Variants in RPTOR observed in about 807,000 individuals in gnomAD.
The protein encoded by RPTOR is regulatory associated protein of MTOR complex 1.
A neutral mutation model predicts 169.9 loss-of-function variants in RPTOR; 21 were observed. The ratio of observed to expected loss-of-function variants is 0.12; its 90% CI spans 0.09 to 0.18. The LOEUF is 0.18. Among genes scored for constraint, RPTOR ranks in the 10% least tolerant of loss-of-function variants. RPTOR has a pLI of 1.00. For missense variants in RPTOR, 1,133 were observed against 1,855.9 expected, an observed-to-expected ratio of 0.61 and a Z score of 7.16; for synonymous variants, 732 against 753.2, an observed-to-expected ratio of 0.97 and a Z score of 0.46.
intron 4 of RPTOR, among the ~76,000 whole-genome samples, chr17:80,724,858 CG>C (rs2066317670): frequency 6.6e-6 from 1 of 152,184 alleles, no homozygotes; most frequent in African/African-American, 2.4e-5. Context: ...AGCTGGAGCA[CG>C]GGGTGGCGGC....
At chr17:80,575,066 G>A (rs1388321139) in intron 1 of RPTOR, among the ~76,000 whole-genome samples, 1 of 151,966 alleles carries the variant, frequency 6.6e-6, no homozygotes, top group Non-Finnish European at 1.5e-5. Flanking sequence ...CTTGAGATGA[G>A]TACTTACCTT....
At chr17:80,769,686 C>T (rs1294631334) in intron 6 of RPTOR, among the ~76,000 whole-genome samples, 1 of 152,174 alleles carries the variant, frequency 6.6e-6, no homozygotes, top group African/African-American at 2.4e-5. Context: ...GTCCTCGTAT[C>T]ACCCGCTATG....
chr17:80,755,438 A>T (rs2066670853), intron 6 of RPTOR, among the ~76,000 whole-genome samples: 1 of 152,066 alleles, frequency 6.6e-6, no homozygotes, highest in African/African-American at 2.4e-5. Flanking sequence ...CTTGTCTCTA[A>T]AAAGAAAATA....
chr17:80,573,196 G>C (rs947590437), intron 1 of RPTOR, among the ~76,000 whole-genome samples: 1 of 152,156 alleles, frequency 6.6e-6, no homozygotes, highest in Non-Finnish European at 1.5e-5. Context: ...TATAAAAAAT[G>C]TGTGAAGGAA....
intron 4 of RPTOR, among the ~76,000 whole-genome samples, chr17:80,725,018 T>G (rs967621196): frequency 6.6e-6 from 1 of 152,204 alleles, no homozygotes; most frequent in African/African-American, 2.4e-5. Flanking sequence ...TGTGAGGGGT[T>G]TTGCGTTTTG....
intron 5 of RPTOR, among the ~76,000 whole-genome samples, chr17:80,751,441 T>G (rs1336095985): frequency 6.6e-6 from 1 of 151,936 alleles, no homozygotes; most frequent in East Asian, 1.9e-4. Context: ...CCTCATGGGG[T>G]TGGTAAAAAG....
rs751135257 is a variant in RPTOR at position 80,925,391 on chromosome 17, G to A, written c.2830G>A (p.Ala944Thr). The A allele has an allele frequency of 6.2e-7, 1 of 1,613,744 alleles. No individual in the cohort carries two copies. The highest frequency in any genetic ancestry group is 8.5e-7 in the Non-Finnish European group (1 of 1,180,028). The change falls in exon 24 of 34, where the codon GCT (alanine) becomes ACT (threonine). Residue 944 changes from alanine to threonine, a missense_variant. Transcript: ENST00000306801. Reference protein sequence around the residue: ...PEQTADDADDAAGHKSFISAT... With the variant: ...PEQTADDADDTAGHKSFISAT... Reference sequence around the variant, plus strand: ...GAAGACTGCGGACGACGCGGACGATGCTGCTGGACACAAAAGTTTCATCTC... The same window carrying A: ...GAAGACTGCGGACGACGCGGACGATACTGCTGGACACAAAAGTTTCATCTC...
At chr17:80,910,461 G>C (rs2068598318) in intron 21 of RPTOR, among the ~76,000 whole-genome samples, 1 of 152,208 alleles carries the variant, frequency 6.6e-6, no homozygotes, top group Non-Finnish European at 1.5e-5. Flanking sequence ...AAAGCTTACA[G>C]AAATGTTGCA....
Position 80,959,772 on chromosome 17 carries a change from C to T in RPTOR, c.3478-306C>T, listed in dbSNP as rs530672744. On this transcript the variant is annotated intron_variant, in intron 29 of 33. Transcript: ENST00000306801. The surrounding 1 kb of genome is among the most constrained non-coding windows in gnomAD (Gnocchi z 6.7). ...CTTCCCAGAGGCGTTTGCAGGCCTC[C>T]GCTCGGGGTGGGGCTGGCCTCTGCC... 5.3e-5 allele frequency among the ~76,000 whole-genome samples: 8 copies of T among 152,336 alleles called. No individual in the cohort carries two copies. The highest frequency in any genetic ancestry group is 2.1e-4 in the South Asian group (1 of 4,830).
At chr17:80,853,279 C>A (rs544319322) in intron 11 of RPTOR, among the ~76,000 whole-genome samples, 121 of 152,318 alleles carry the variant, frequency 7.9e-4, no homozygotes, top group African/African-American at 2.8e-3. Flanking sequence ...CCTCAGACAC[C>A]CGGGCTTTTC....
intron 1 of RPTOR, among the ~76,000 whole-genome samples, chr17:80,615,309 G>A (rs1239643990): frequency 6.6e-6 from 1 of 152,146 alleles, no homozygotes; most frequent in Non-Finnish European, 1.5e-5. Context: ...CCTCCCTGTG[G>A]AACGGGGGCC....
chr17:80,832,839 G>A (rs2067520996), intron 9 of RPTOR, among the ~76,000 whole-genome samples: 1 of 152,208 alleles, frequency 6.6e-6, no homozygotes, highest in Non-Finnish European at 1.5e-5. Context: ...GTACAATCTA[G>A]CTATTATACT....
intron 7 of RPTOR, among the ~76,000 whole-genome samples, chr17:80,814,521 T>G (rs1255380805): frequency 6.6e-6 from 1 of 152,206 alleles, no homozygotes; most frequent in Non-Finnish European, 1.5e-5. Context: ...TTATCATCAT[T>G]TGAGTACTTT....
At chr17:80,670,922 AC>A (rs2065817087) in intron 3 of RPTOR, among the ~76,000 whole-genome samples, 1 of 150,526 alleles carries the variant, frequency 6.6e-6, no homozygotes, top group Non-Finnish European at 1.5e-5. Context: ...CGTCCTTGTT[AC>A]CCTCTCTGTG....
At position 80,845,727 on chromosome 17, in the gene RPTOR, C is replaced by A. The variant is rs976136767; in HGVS notation, c.1213-746C>A. Reference sequence around the variant, plus strand: ...CCCTACATCCCTCTCCAGCCACCACCTGTCTGTCTTGTTCCCCTTTGCAAC... The same window carrying A: ...CCCTACATCCCTCTCCAGCCACCACATGTCTGTCTTGTTCCCCTTTGCAAC... On this transcript the variant is annotated intron_variant, in intron 10 of 33. Coordinates refer to ENST00000306801, the MANE Select transcript of RPTOR (RefSeq NM_020761.3). This position sits in a 1 kb window ranked among gnomAD's most constrained non-coding sequence, Gnocchi z 5.4. Among the ~76,000 whole-genome samples the A allele has an allele frequency of 4.6e-5, 7 of 152,228 alleles. No individual in the cohort carries two copies. Among genetic ancestry groups the A allele is most frequent in the African/African-American group, 1.7e-4 (7 of 41,450 alleles).
At chr17:80,911,548 A>G (rs2068613043) in intron 21 of RPTOR, among the ~76,000 whole-genome samples, 1 of 152,198 alleles carries the variant, frequency 6.6e-6, no homozygotes, top group Non-Finnish European at 1.5e-5. Context: ...TTGGGAGGCC[A>G]AGGCGAGAGA....
At chr17:80,892,035 C>T (rs1269108747) in intron 18 of RPTOR, among the ~76,000 whole-genome samples, 198 bp downstream of exon 18, 1 of 152,212 alleles carries the variant, frequency 6.6e-6, no homozygotes, top group Admixed American at 6.5e-5. Flanking sequence ...CACTGACCCT[C>T]TTACATTTTT....
At chr17:80,964,148 T>C in intron 33 of RPTOR, 114 bp from the exon 34 acceptor site, 1 of 910,230 alleles carries the variant, frequency 1.1e-6, no homozygotes, top group Non-Finnish European at 1.7e-6. Context: ...GGCGTGGGGG[T>C]TCCTGAGACC....
intron 3 of RPTOR, among the ~76,000 whole-genome samples, chr17:80,650,959 G>A (rs1160500687): frequency 6.6e-6 from 1 of 152,186 alleles, no homozygotes; most frequent in East Asian, 1.9e-4. Flanking sequence ...GCCTCTCGAG[G>A]ATATTATCTC....
Sources: gnomAD v4.1 joint callset for allele counts (sites outside exome capture counted in the v4.1 genomes callset) on GRCh38, gnomAD v4.1.1 for gene constraint, Gnocchi (gnomAD v3.1) non-coding constraint, MANE v1.5 for transcripts, NCBI Gene and HGNC (gene_info 2026-07-23, HGNC 2026-07-21) for gene names.